The following CRACDL variants were observed in gnomAD, a reference collection of about 807,000 sequenced individuals.
CRACDL encodes CRACD-like protein.
In CRACDL, 26 loss-of-function variants were observed where a neutral mutation model predicts 70.6. The observed-to-expected ratio is 0.37, with a 90% CI of 0.27 to 0.51. The LOEUF (loss-of-function observed/expected upper bound fraction) is 0.51, where lower values mean the gene tolerates loss of function less well. Ranked by LOEUF, CRACDL falls within the 20% of genes least tolerant of loss-of-function variation. The probability of loss-of-function intolerance (pLI) is 0.94; values close to 1 mark genes in which losing one functional copy is unlikely to be tolerated. For missense variants in CRACDL, 1,283 were observed against 1,376.9 expected, an observed-to-expected ratio of 0.93 and a Z score of 1.08; for synonymous variants, 618 against 615.2, an observed-to-expected ratio of 1.00 and a Z score of -0.07.
intron 1 of CRACDL, among the ~76,000 whole-genome samples, chr2:98,897,902 G>A (rs1708169071): frequency 1.3e-5 from 2 of 152,230 alleles, no homozygotes; most frequent in African/African-American, 4.8e-5. Context: ...AGCCCACTGT[G>A]AGGTTCAGCG....
At chr2:98,804,333 G>A (rs1045810676) in intron 7 of CRACDL, among the ~76,000 whole-genome samples, 25 of 152,138 alleles carry the variant, frequency 1.6e-4, no homozygotes, top group African/African-American at 6.0e-4. Flanking sequence ...GTCAATCATC[G>A]CTGTGAGCTG....
At chr2:98,898,849 A>G (rs931566688) in intron 1 of CRACDL, among the ~76,000 whole-genome samples, 5 of 152,212 alleles carry the variant, frequency 3.3e-5, no homozygotes, top group Non-Finnish European at 7.3e-5. Flanking sequence ...TATTTCAAAG[A>G]AGATAATATT....
intron 1 of CRACDL, among the ~76,000 whole-genome samples, chr2:98,859,531 C>G (rs1489424249): frequency 2.0e-5 from 3 of 152,062 alleles, no homozygotes; most frequent in African/African-American, 7.2e-5. Flanking sequence ...TGCAATAAAC[C>G]ATATTAATGG....
intron 1 of CRACDL, among the ~76,000 whole-genome samples, chr2:98,873,559 G>A (rs563227189): frequency 1.4e-4 from 22 of 152,230 alleles, no homozygotes; most frequent in Non-Finnish European, 1.6e-4. Flanking sequence ...GTCCCTCTGG[G>A]CCTGCCAGGA....
Position 98,794,686 on chromosome 2 carries a change from G to C in CRACDL, c.2750-15C>G. Reference sequence around the variant, plus strand: ...TGCAGACTGAGCTGCTTGGAAGGGAGACAAAACCAACAGAAACATGAGCAG... The same window carrying C: ...TGCAGACTGAGCTGCTTGGAAGGGACACAAAACCAACAGAAACATGAGCAG... On this transcript the variant is annotated splice_polypyrimidine_tract_variant and intron_variant, in intron 9 of 9. Coordinates refer to ENST00000397899, the MANE Select transcript of CRACDL (RefSeq NM_207362.3). 1 of 1,598,874 alleles carries C rather than the reference G, an allele frequency of 6.3e-7. No individual in the cohort carries two copies. Among genetic ancestry groups the C allele is most frequent in the Non-Finnish European group, 8.5e-7 (1 of 1,169,662 alleles).
intron 1 of CRACDL, among the ~76,000 whole-genome samples, chr2:98,913,303 G>T (rs1022945607): frequency 2.0e-5 from 3 of 152,154 alleles, no homozygotes; most frequent in African/African-American, 7.2e-5. Context: ...TGTCTAGAGG[G>T]AAGCCACATG....
intron 7 of CRACDL, among the ~76,000 whole-genome samples, chr2:98,810,883 C>G (rs1704526410): frequency 6.6e-6 from 1 of 151,882 alleles, no homozygotes. Context: ...AGCGGAATGC[C>G]CCTCAGGAGG....
chr2:98,882,640 T>A (rs1439667815), intron 1 of CRACDL, among the ~76,000 whole-genome samples: 1 of 152,138 alleles, frequency 6.6e-6, no homozygotes, highest in East Asian at 1.9e-4. Context: ...AAAACCTGTC[T>A]CTCTGGTTTT....
At chr2:98,805,631 G>A (rs533209485) in intron 7 of CRACDL, among the ~76,000 whole-genome samples, 2 of 152,208 alleles carry the variant, frequency 1.3e-5, no homozygotes, top group African/African-American at 2.4e-5. Context: ...ACAACTCAGC[G>A]AGTGCAGAGG....
intron 1 of CRACDL, among the ~76,000 whole-genome samples, chr2:98,903,941 TTGTC>T (rs1708345394): frequency 6.6e-6 from 1 of 152,214 alleles, no homozygotes; most frequent in Non-Finnish European, 1.5e-5. Context: ...TGACGCTCCT[TTGTC>T]TGATCTCTGG....
chr2:98,865,917 C>T (rs1314152680), intron 1 of CRACDL, among the ~76,000 whole-genome samples: 2 of 151,670 alleles, frequency 1.3e-5, no homozygotes, highest in East Asian at 1.9e-4. Flanking sequence ...TCTCCTGCCT[C>T]AGCCTCCTGG....
chr2:98,916,950 T>C (rs1055031411), intron 1 of CRACDL, among the ~76,000 whole-genome samples: 4 of 152,320 alleles, frequency 2.6e-5, no homozygotes, highest in Admixed American at 2.6e-4. Flanking sequence ...GCACCCAGTA[T>C]CTGCTCAATC....
chr2:98,892,877 C>G (rs1401311791), intron 1 of CRACDL, among the ~76,000 whole-genome samples: 1 of 152,294 alleles, frequency 6.6e-6, no homozygotes, highest in African/African-American at 2.4e-5. Context: ...CTGCACCCTT[C>G]CTCACACTCT....
chr2:98,832,982 C>A lies in CRACDL; in HGVS notation c.255G>T (p.Thr85=). Reference sequence around the variant, plus strand: ...CGTGAGAAAGGGCCCGGCTGCCCAGCGTGCCCCTCGACTCCCTAGGATAAA... The same window carrying A: ...CGTGAGAAAGGGCCCGGCTGCCCAGAGTGCCCCTCGACTCCCTAGGATAAA... The part of the protein sequence containing the change: ...SEDELEESRG[T]LGSRALSHDS... The change falls in exon 4 of 10, where the codon ACG becomes ACT. Residue 85 remains threonine (T), a synonymous_variant. Coordinates refer to ENST00000397899, the MANE Select transcript of CRACDL (RefSeq NM_207362.3). 2 of 1,613,014 alleles carry A rather than the reference C, an allele frequency of 1.2e-6. No individual in the cohort carries two copies. Among genetic ancestry groups the A allele is most frequent in the South Asian group, 1.1e-5 (1 of 90,982 alleles).
At position 98,832,390 on chromosome 2, in the gene CRACDL, C is replaced by T; in HGVS notation, c.498G>A (p.Glu166=). The change falls in exon 5 of 10, where the codon GAG becomes GAA. Residue 166 remains glutamate (E), a synonymous_variant. Transcript: ENST00000397899. ...EDDGLPRSPP[E]MSLLHDVGPG... The stretch of plus-strand genomic sequence containing the variant: ...GACCCACGTCGTGCAGCAGAGACAT[C>T]TCTGGGGGGCTCCTGGGCAGCCCGT... The T allele has an allele frequency of 6.2e-7, 1 of 1,614,216 alleles. No individual in the cohort carries two copies. The highest frequency in any genetic ancestry group is 1.3e-5 in the African/African-American group (1 of 75,054).
At chr2:98,805,351 G>A (rs1284388806) in intron 7 of CRACDL, among the ~76,000 whole-genome samples, 1 of 152,140 alleles carries the variant, frequency 6.6e-6, no homozygotes, top group African/African-American at 2.4e-5. Context: ...AGGAAGAAGA[G>A]CCTAGCTCCC....
intron 1 of CRACDL, among the ~76,000 whole-genome samples, chr2:98,899,657 G>A (rs1238366515): frequency 6.6e-6 from 1 of 152,268 alleles, no homozygotes; most frequent in Non-Finnish European, 1.5e-5. Context: ...GGCATCTATG[G>A]AGGAAATGAG....
At chr2:98,861,341 A>C (rs915750749) in intron 1 of CRACDL, among the ~76,000 whole-genome samples, 2 of 152,130 alleles carry the variant, frequency 1.3e-5, no homozygotes, top group Non-Finnish European at 2.9e-5. Context: ...AGCAGGTCTC[A>C]AAAACAACAA....
chr2:98,875,806 T>G (rs747210302), intron 1 of CRACDL, among the ~76,000 whole-genome samples: 3 of 152,216 alleles, frequency 2.0e-5, no homozygotes, highest in Admixed American at 6.5e-5. Context: ...AAAATAAACA[T>G]GATAGGAACC....
Sources: allele counts gnomAD v4.1 joint callset (sites outside exome capture counted in the v4.1 genomes callset), GRCh38; gene constraint gnomAD v4.1.1; transcripts MANE v1.5; gene names NCBI Gene and HGNC (gene_info 2026-07-23, HGNC 2026-07-21).